SNTG1: variants seen among roughly 807,000 people sequenced by gnomAD.
SNTG1 encodes the protein syntrophin gamma 1, also known as gamma-1-syntrophin.
In SNTG1, 39 loss-of-function variants were observed where a neutral mutation model predicts 74.7. The ratio of observed to expected loss-of-function variants is 0.52; its 90% CI spans 0.40 to 0.68. The LOEUF is 0.68. Among genes scored for constraint, SNTG1 ranks in the 30% least tolerant of loss-of-function variants. The probability of loss-of-function intolerance (pLI) is 0.00; values close to 1 mark genes in which losing one functional copy is unlikely to be tolerated. For missense variants in SNTG1, 685 were observed against 609.5 expected (o/e 1.12, Z -1.30); for synonymous variants, 254 against 217.1 (o/e 1.17, Z -1.49).
chr8:50,523,242 C>A (rs2094194553), intron 9 of SNTG1, among the ~76,000 whole-genome samples: 2 of 152,122 alleles, frequency 1.3e-5, no homozygotes, highest in Admixed American at 1.3e-4. Flanking sequence ...AAAACTTTCT[C>A]CTTATCAGTA....
intron 2 of SNTG1, among the ~76,000 whole-genome samples, chr8:50,333,121 T>C (rs1253316249): frequency 6.6e-6 from 1 of 152,234 alleles, no homozygotes; most frequent in East Asian, 1.9e-4. Context: ...TAATATATAC[T>C]CAAGACTCAG....
At position 50,670,743 on chromosome 8, in the gene SNTG1, T is replaced by C. The variant is rs868518775; in HGVS notation, c.1038+12080T>C. Among the ~76,000 whole-genome samples the C allele has an allele frequency of 4.1e-3, 603 of 148,660 alleles. 9 individuals are homozygous for C. Among genetic ancestry groups the C allele is most frequent in the African/African-American group, 0.014 (561 of 39,770 alleles). On this transcript the variant is annotated intron_variant, in intron 15 of 18. Transcript: ENST00000642720. ...AGAGCCCGCATCACCAAGTCAATCC[T>C]AAGCCAAAAGAACAAAGCTGGAGGC... is the stretch of plus-strand genomic sequence containing the variant.
intron 1 of SNTG1, among the ~76,000 whole-genome samples, chr8:50,160,329 T>C (rs1451375897): frequency 6.6e-6 from 1 of 152,176 alleles, no homozygotes; most frequent in Non-Finnish European, 1.5e-5. Context: ...ATATAAACAA[T>C]ATCTCTTCTA....
At chr8:50,747,695 C>T (rs2095558242) in intron 17 of SNTG1, 1 of 151,854 alleles carries the variant, frequency 6.6e-6, no homozygotes, top group Non-Finnish European at 1.5e-5. Context: ...ATTTTAATTT[C>T]AAAAACAAAA....
chr8:50,011,835 A>T (rs1251980177), intron 1 of SNTG1: 2 of 152,210 alleles, frequency 1.3e-5, no homozygotes, highest in Non-Finnish European at 2.9e-5. Flanking sequence ...ATGAATACAG[A>T]GACAGCAGAC....
chr8:50,704,064 GT>G (rs936773122), intron 15 of SNTG1, among the ~76,000 whole-genome samples: 4 of 151,776 alleles, frequency 2.6e-5, no homozygotes, highest in African/African-American at 7.3e-5. Flanking sequence ...CATCAAAGTC[GT>G]TTTTTTGATA....
chr8:49,964,351 C>G (rs558887275), intron 1 of SNTG1, among the ~76,000 whole-genome samples: 1 of 152,324 alleles, frequency 6.6e-6, no homozygotes, highest in South Asian at 2.1e-4. Context: ...GCAGCTGACC[C>G]TGCAGATTTT....
chr8:50,029,009 G>A (rs931106339), intron 1 of SNTG1, among the ~76,000 whole-genome samples: 1 of 151,642 alleles, frequency 6.6e-6, no homozygotes, highest in Non-Finnish European at 1.5e-5. Flanking sequence ...AATTCTTTAT[G>A]TGTTGTAGGT....
intron 13 of SNTG1, among the ~76,000 whole-genome samples, chr8:50,655,734 C>CT (rs1157239323): frequency 6.6e-6 from 1 of 152,174 alleles, no homozygotes; most frequent in Non-Finnish European, 1.5e-5. Context: ...TATTTCAAAT[C>CT]TTGCATTTCA....
chr8:50,508,663 A>C (rs891871719), intron 9 of SNTG1, among the ~76,000 whole-genome samples: 1 of 152,178 alleles, frequency 6.6e-6, no homozygotes, highest in African/African-American at 2.4e-5. Flanking sequence ...CATTTCTCTG[A>C]TGGCCAGTGA....
At chr8:50,690,727 G>T (rs190732742) in intron 15 of SNTG1, among the ~76,000 whole-genome samples, 3 of 152,344 alleles carry the variant, frequency 2.0e-5, no homozygotes, top group Admixed American at 1.3e-4. Context: ...ATATTCTGTT[G>T]ATTTGGTGTG....
At chr8:50,043,678 C>A (rs1157447771) in intron 1 of SNTG1, among the ~76,000 whole-genome samples, 1 of 152,140 alleles carries the variant, frequency 6.6e-6, no homozygotes, top group Non-Finnish European at 1.5e-5. Context: ...GAGTGGGTGG[C>A]TCCAGCTTTA....
chr8:50,441,313 A>G (rs940509545), intron 5 of SNTG1, among the ~76,000 whole-genome samples: 1 of 152,158 alleles, frequency 6.6e-6, no homozygotes, highest in African/African-American at 2.4e-5. Context: ...TGGTGGGAAA[A>G]TAAAAGTTAG....
intron 15 of SNTG1, among the ~76,000 whole-genome samples, chr8:50,693,082 C>A (rs1489029727): frequency 6.6e-6 from 1 of 152,134 alleles, no homozygotes; most frequent in Non-Finnish European, 1.5e-5. Context: ...CTGATGTGCC[C>A]TTTTTTTAAG....
At chr8:50,277,306 A>T (rs1260087681) in intron 2 of SNTG1, among the ~76,000 whole-genome samples, 1 of 151,342 alleles carries the variant, frequency 6.6e-6, no homozygotes, top group Non-Finnish European at 1.5e-5. Context: ...TTCACAGAAC[A>T]TCTAAACTGG....
intron 2 of SNTG1, among the ~76,000 whole-genome samples, chr8:50,211,042 A>G (rs1295437134): frequency 6.6e-6 from 1 of 152,144 alleles, no homozygotes; most frequent in Middle Eastern, 3.2e-3. Context: ...TTTAGAATCC[A>G]TGTTGTTAAA....
At chr8:49,910,726 G>A (rs553032873), upstream of SNTG1, among the ~76,000 whole-genome samples, 7 of 152,300 alleles carry the variant, frequency 4.6e-5, no homozygotes, top group Admixed American at 1.3e-4. Context: ...AGGGGGCAGC[G>A]TGGGAGACCA....
At chr8:50,602,219 TA>T (rs2094779962) in intron 13 of SNTG1, among the ~76,000 whole-genome samples, 2 of 151,634 alleles carry the variant, frequency 1.3e-5, no homozygotes, top group Non-Finnish European at 2.9e-5. Flanking sequence ...GTCTTCCTTT[TA>T]GTTAACATGA....
At chr8:50,646,043 C>A (rs915528223) in intron 13 of SNTG1, among the ~76,000 whole-genome samples, 7 of 152,216 alleles carry the variant, frequency 4.6e-5, no homozygotes, top group African/African-American at 1.7e-4. Flanking sequence ...CTGTTTTAAT[C>A]ATCATCCCTG....
Sources: gnomAD v4.1 joint callset for allele counts (sites outside exome capture counted in the v4.1 genomes callset) on GRCh38, gnomAD v4.1.1 for gene constraint, MANE v1.5 for transcripts, NCBI Gene and HGNC (gene_info 2026-07-23, HGNC 2026-07-21) for gene names.